Variants in SHROOM2 observed in about 807,000 individuals in gnomAD.
The protein encoded by SHROOM2 is protein Shroom2.
In SHROOM2, 33 loss-of-function variants were observed where a neutral mutation model predicts 75.9. That is an observed-to-expected ratio of 0.43 (90% CI 0.33 to 0.58). The LOEUF is 0.58. SHROOM2 is among the 20% of genes least tolerant of loss of function. SHROOM2 has a pLI of 0.04. For synonymous variants in SHROOM2, 655 were observed against 663.6 expected (o/e 0.99, Z 0.20); for missense variants, 1,434 against 1,461.2 (o/e 0.98, Z 0.30).
In SHROOM2 at chrX:9,827,505, T is replaced by C. The variant is rs191932746; in HGVS notation, c.165+40795T>C. Among the ~76,000 whole-genome samples, 8 of 109,820 alleles carry C rather than the reference T, an allele frequency of 7.3e-5. No individual in the cohort carries two copies. In the East Asian group the frequency reaches 2.3e-3, roughly 32 times the overall value. ...GCCTGAGTTTAATGAATGGGTGTGT[T>C]TTCTGAGCTCGAGGGGGCCACATTG... On this transcript the variant is annotated intron_variant, in intron 1 of 9. Coordinates refer to ENST00000380913, the MANE Select transcript of SHROOM2 (RefSeq NM_001649.4).
intron 3 of SHROOM2, among the ~76,000 whole-genome samples, chrX:9,893,339 GGCCTCAAGTGATCCTCCA>G (rs1367594885): frequency 2.2e-4 from 25 of 111,562 alleles, no homozygotes; most frequent in Admixed American, 1.4e-3. Context: ...TCAAACTCCT[GGCCTCAAGTGATCCTCCA>G]GCCTCAAGTG....
At chrX:9,885,676 C>T (rs1421983438) in intron 2 of SHROOM2, among the ~76,000 whole-genome samples, 1 of 111,420 alleles carries the variant, frequency 9.0e-6, no homozygotes, top group African/African-American at 3.3e-5. Context: ...ATCCCTAGGC[C>T]AGGTACAGGG....
intron 1 of SHROOM2, among the ~76,000 whole-genome samples, chrX:9,828,847 T>C (rs765599382): frequency 8.9e-6 from 1 of 112,016 alleles, no homozygotes; most frequent in Admixed American, 9.5e-5. Context: ...TATTTCTATT[T>C]TGAACAGGCA....
chrX:9,921,752 C>T (rs1006627297), intron 5 of SHROOM2, among the ~76,000 whole-genome samples: 3 of 112,297 alleles, frequency 2.7e-5, no homozygotes, highest in African/African-American at 9.7e-5. Context: ...CCTGTAGGCT[C>T]ATCCATGTTG....
rs769038293 is a variant in SHROOM2, at chrX:9,866,766, C to A, written c.166-6886C>A. Among the ~76,000 whole-genome samples, 34 of 111,333 alleles carry A rather than the reference C, an allele frequency of 3.1e-4. No homozygotes were observed. In the South Asian group the frequency reaches 0.013, roughly 41 times the overall value. On this transcript the variant is annotated intron_variant, in intron 1 of 9. Transcript: ENST00000380913. ...GGCTGCCTTCGCTGGGCCCCCACTG[C>A]CTGCAGGACAGCGTCCAGATTCCCA...
intron 1 of SHROOM2, among the ~76,000 whole-genome samples, chrX:9,827,336 T>C (rs1183051136): frequency 9.8e-6 from 1 of 101,815 alleles, no homozygotes; most frequent in East Asian, 3.5e-4. Flanking sequence ...GATCTTCCCA[T>C]CTCAGCCTCC....
intron 2 of SHROOM2, among the ~76,000 whole-genome samples, chrX:9,886,567 A>G (rs1218257862): frequency 8.9e-6 from 1 of 111,960 alleles, no homozygotes; most frequent in Non-Finnish European, 1.9e-5. Flanking sequence ...CTTGCAAAAC[A>G]GAGGCTCTAT....
intron 1 of SHROOM2, among the ~76,000 whole-genome samples, chrX:9,848,376 C>T (rs937827802): frequency 1.0e-5 from 1 of 99,619 alleles, no homozygotes; most frequent in Non-Finnish European, 2.0e-5. Context: ...CGGTGGCGGG[C>T]GACTGTAGTC....
intron 1 of SHROOM2, among the ~76,000 whole-genome samples, chrX:9,857,757 G>A (rs1002555681): frequency 4.5e-5 from 5 of 110,543 alleles, no homozygotes; most frequent in Non-Finnish European, 9.5e-5. Context: ...TACCCACCCC[G>A]CCCCCGAAAT....
intron 5 of SHROOM2, among the ~76,000 whole-genome samples, chrX:9,900,681 A>G (rs191508136): frequency 1.5e-3 from 171 of 111,670 alleles, no homozygotes; most frequent in Non-Finnish European, 2.8e-3. Context: ...TTTTTAAGTT[A>G]CATGATGTTT....
At chrX:9,844,378 G>C (rs759408903) in intron 1 of SHROOM2, among the ~76,000 whole-genome samples, 1 of 111,233 alleles carries the variant, frequency 9.0e-6, no homozygotes, top group African/African-American at 3.3e-5. Context: ...CAGGCATGGT[G>C]GTGTGCATCT....
chrX:9,892,024 C>A (rs1419845223), intron 3 of SHROOM2, among the ~76,000 whole-genome samples: 1 of 110,017 alleles, frequency 9.1e-6, no homozygotes, highest in Non-Finnish European at 1.9e-5. Context: ...CTTTGGGAAG[C>A]TAAGGTGGGA....
chrX:9,927,730 C>T (rs1461670261), intron 5 of SHROOM2, among the ~76,000 whole-genome samples: 1 of 112,195 alleles, frequency 8.9e-6, no homozygotes, highest in Non-Finnish European at 1.9e-5. Context: ...GCTTGCAAGG[C>T]CCTGAAGGAA....
chrX:9,815,895 A>C (rs1342403772), intron 1 of SHROOM2, among the ~76,000 whole-genome samples: 1 of 111,680 alleles, frequency 9.0e-6, no homozygotes, highest in African/African-American at 3.3e-5. Flanking sequence ...CTCAAATGTA[A>C]TCTCTTTTGG....
intron 1 of SHROOM2, among the ~76,000 whole-genome samples, chrX:9,795,335 T>G (rs1420081100): frequency 8.9e-6 from 1 of 111,797 alleles, no homozygotes; most frequent in Admixed American, 9.6e-5. Flanking sequence ...CTGGAAGATT[T>G]TGTTCAACAT....
rs769116460 is a variant in SHROOM2 at position 9,888,605 on chromosome X, G to A, written c.318-2372G>A. ...ACCACAGATGCGCGCCACCACGCCC[G>A]GCTGATTTTTAAATTTTGTGCTGAG... On this transcript the variant is annotated intron_variant, in intron 2 of 9. Transcript: ENST00000380913. Among the ~76,000 whole-genome samples the A allele has an allele frequency of 1.7e-4, 19 of 110,756 alleles. No individual in the cohort carries two copies. The South Asian group carries it at 6.5e-3, about 38-fold the overall frequency.
At chrX:9,897,950 A>G (rs2084343425) in intron 4 of SHROOM2, among the ~76,000 whole-genome samples, 1 of 112,249 alleles carries the variant, frequency 8.9e-6, no homozygotes, top group African/African-American at 3.2e-5. Flanking sequence ...ATTTGTGACC[A>G]GCTGTATTTT....
rs373606195 is a variant in SHROOM2 at position 9,805,232 on chromosome X, G to A, written c.165+18522G>A. Among the ~76,000 whole-genome samples, 6 of 111,584 alleles carry A rather than the reference G, an allele frequency of 5.4e-5. No individual in the cohort carries two copies. The South Asian group carries it at 1.9e-3, about 35-fold the overall frequency. ...TGCTCTCCAGCCTGGGCGACAGAGC[G>A]AGACTGTCTCAAAAAATAAAAAATA... On this transcript the variant is annotated intron_variant, in intron 1 of 9. Transcript: ENST00000380913.
Position 9,873,836 on chromosome X carries a change from G to A in SHROOM2, c.317+33G>A, listed in dbSNP as rs371735679. On this transcript the variant is annotated intron_variant, in intron 2 of 9. Coordinates refer to ENST00000380913, the MANE Select transcript of SHROOM2 (RefSeq NM_001649.4). ...CTGAGCTTCCTCCCACATTTACCAC[G>A]ACACACAGGAATGAGTGGAACATCA... is the stretch of plus-strand genomic sequence containing the variant. 1.4e-4 allele frequency: 168 copies of A among 1,197,184 alleles called. 1 individual carries two copies. The South Asian group carries it at 2.6e-3, about 18-fold the overall frequency.
Sources: allele counts gnomAD v4.1 joint callset (sites outside exome capture counted in the v4.1 genomes callset), GRCh38; gene constraint gnomAD v4.1.1; transcripts MANE v1.5; gene names NCBI Gene and HGNC (gene_info 2026-07-23, HGNC 2026-07-21).